SKIC3: variants seen among roughly 807,000 people sequenced by gnomAD.
The protein encoded by SKIC3 is SKI3 subunit of superkiller complex.
the SKIC3 span, among the ~76,000 whole-genome samples, chr5:95,501,883 C>T: frequency 2.0e-5 from 3 of 151,910 alleles, no homozygotes; most frequent in East Asian, 3.9e-4. Context: ...TTATATATAA[C>T]GATAGATACA....
chr5:95,552,783 C>A, the SKIC3 span, among the ~76,000 whole-genome samples: 16 of 151,482 alleles, frequency 1.1e-4, no homozygotes, highest in African/African-American at 3.9e-4. Flanking sequence ...AAATGTTGTA[C>A]GTTCACAAAA....
At chr5:95,514,124 G>T in the SKIC3 span, among the ~76,000 whole-genome samples, 1 of 152,122 alleles carries the variant, frequency 6.6e-6, no homozygotes, top group Non-Finnish European at 1.5e-5. Context: ...AGGCCCAAGA[G>T]TCTAAAATAC....
the SKIC3 span, among the ~76,000 whole-genome samples, chr5:95,479,897 GAATAAAAAACAAAAGATT>G: frequency 6.6e-6 from 1 of 151,808 alleles, no homozygotes; most frequent in African/African-American, 2.4e-5. Context: ...CTATACTCAA[GAATAAAAAACAAAAGATT>G]AAAAAATAGA....
chr5:95,506,064 T>C, the SKIC3 span, among the ~76,000 whole-genome samples: 1 of 152,224 alleles, frequency 6.6e-6, no homozygotes, highest in Non-Finnish European at 1.5e-5. Flanking sequence ...TACTTTATTC[T>C]ACACAATATC....
At chr5:95,541,698 A>G in the SKIC3 span, 10 of 775,682 alleles carry the variant, frequency 1.3e-5, no homozygotes, top group Non-Finnish European at 1.9e-5. Context: ...AATGTTTGAA[A>G]AAAAAAAAAA....
chr5:95,513,433 T>A, the SKIC3 span: 1 of 921,566 alleles, frequency 1.1e-6, no homozygotes, highest in Non-Finnish European at 1.7e-6. Flanking sequence ...CCTCAAGCAA[T>A]CCTCCTGCCT....
chr5:95,527,525 G>C, the SKIC3 span, among the ~76,000 whole-genome samples: 1 of 152,082 alleles, frequency 6.6e-6, no homozygotes. Flanking sequence ...TAATTTACCA[G>C]TTATAGTTTT....
At chr5:95,526,470 T>C in the SKIC3 span, among the ~76,000 whole-genome samples, 1 of 124,916 alleles carries the variant, frequency 8.0e-6, no homozygotes, top group Non-Finnish European at 1.7e-5. Flanking sequence ...TCTGACTGTC[T>C]TTTTTTTTTT....
At chr5:95,490,689 G>C in the SKIC3 span, among the ~76,000 whole-genome samples, 3 of 151,820 alleles carry the variant, frequency 2.0e-5, no homozygotes, top group South Asian at 6.2e-4. Flanking sequence ...TAGTAGAGAC[G>C]GGGTTTCACC....
At chr5:95,512,446 A>G in the SKIC3 span, 3 of 1,601,594 alleles carry the variant, frequency 1.9e-6, no homozygotes, top group Non-Finnish European at 2.6e-6. Flanking sequence ...AGTTGCTCAA[A>G]TATCTTGCTA....
At chr5:95,540,656 C>T in the SKIC3 span, 1 of 1,612,010 alleles carries the variant, frequency 6.2e-7, no homozygotes, top group Non-Finnish European at 8.5e-7. Flanking sequence ...GATCAATTTT[C>T]ATGAACAAAC....
chr5:95,553,576 T>C, the SKIC3 span, among the ~76,000 whole-genome samples: 20 of 152,158 alleles, frequency 1.3e-4, no homozygotes, highest in Non-Finnish European at 2.5e-4. Flanking sequence ...TGTTTTTTTT[T>C]TGAGATGGAG....
chr5:95,534,268 C>T, the SKIC3 span, among the ~76,000 whole-genome samples: 4 of 150,540 alleles, frequency 2.7e-5, no homozygotes, highest in Non-Finnish European at 4.4e-5. Context: ...GCTTGATGTA[C>T]CTCATCCTCC....
the SKIC3 span, chr5:95,490,968 T>G: frequency 1.9e-6 from 3 of 1,614,046 alleles, no homozygotes; most frequent in Non-Finnish European, 1.7e-6. Context: ...GGCTGAGTGT[T>G]GTTCACTAAG....
At chr5:95,470,516 C>T in the SKIC3 span, among the ~76,000 whole-genome samples, 6 of 152,088 alleles carry the variant, frequency 3.9e-5, no homozygotes, top group Non-Finnish European at 8.8e-5. Context: ...AGTCTTGTGT[C>T]TACCAAATAT....
At chr5:95,546,007 T>G in the SKIC3 span, among the ~76,000 whole-genome samples, 1 of 152,134 alleles carries the variant, frequency 6.6e-6, no homozygotes, top group African/African-American at 2.4e-5. Flanking sequence ...CTTTGGTTTC[T>G]CTAATTTTTT....
chr5:95,513,480 A>C, the SKIC3 span: 39 of 1,385,118 alleles, frequency 2.8e-5, no homozygotes, highest in East Asian at 8.5e-4. Context: ...GGCATAAGCC[A>C]CTATGCCTAG....
the SKIC3 span, among the ~76,000 whole-genome samples, chr5:95,526,446 T>C: frequency 2.0e-5 from 3 of 152,048 alleles, no homozygotes; most frequent in Admixed American, 2.0e-4. Context: ...CAGGTGTATT[T>C]GCACTTGGTT....
chr5:95,554,896 T>G, the SKIC3 span: 1 of 197,400 alleles, frequency 5.1e-6, no homozygotes, highest in East Asian at 1.6e-4. Context: ...CAATCGCCTT[T>G]AGGATCCCTT....
Sources: gnomAD v4.1 joint callset for allele counts (sites outside exome capture counted in the v4.1 genomes callset) on GRCh38, gnomAD v4.1.1 for gene constraint, MANE v1.5 for transcripts, NCBI Gene and HGNC (gene_info 2026-07-23, HGNC 2026-07-21) for gene names.